HNF4G: variants seen among roughly 807,000 people sequenced by gnomAD.
HNF4G encodes the protein hepatocyte nuclear factor 4 gamma, also known as hepatocyte nuclear factor 4-gamma.
Under a neutral mutation model 50.9 loss-of-function variants are expected in HNF4G, and 21 were observed. The observed-to-expected ratio is 0.41, with a 90% CI of 0.29 to 0.59. The LOEUF is 0.59. HNF4G is among the 20% of genes least tolerant of loss of function. The pLI, the probability that HNF4G is intolerant of heterozygous loss-of-function variation, is 0.26. For missense variants in HNF4G, 527 were observed against 559.4 expected (o/e 0.94, Z 0.58); for synonymous variants, 198 against 185.6 (o/e 1.07, Z -0.54).
chr8:75,546,383 T>C (rs1585943313), intron 2 of HNF4G, among the ~76,000 whole-genome samples: 1 of 152,126 alleles, frequency 6.6e-6, no homozygotes, highest in East Asian at 1.9e-4. Context: ...TATGTGTTTG[T>C]TTGTTTGTTT....
chr8:75,554,366 C>G (rs1292033525), intron 5 of HNF4G, among the ~76,000 whole-genome samples: 1 of 152,068 alleles, frequency 6.6e-6, no homozygotes, highest in African/African-American at 2.4e-5. Flanking sequence ...AATCCAGTAA[C>G]CAGTGAAAAA....
upstream of HNF4G, among the ~76,000 whole-genome samples, chr8:75,538,084 A>C (rs531195327): frequency 1.5e-4 from 23 of 152,052 alleles, no homozygotes; most frequent in Admixed American, 9.2e-4. Flanking sequence ...AAGACTACCC[A>C]CTTGAGGAGA....
At chr8:75,443,448 G>C (rs944327961) in intron 1 of HNF4G, among the ~76,000 whole-genome samples, 1 of 152,128 alleles carries the variant, frequency 6.6e-6, no homozygotes, top group African/African-American at 2.4e-5. Flanking sequence ...AGGATAACAA[G>C]TTATACGTTG....
chr8:75,498,421 A>T (rs941586339), intron 2 of HNF4G, among the ~76,000 whole-genome samples: 2 of 152,106 alleles, frequency 1.3e-5, no homozygotes, highest in African/African-American at 4.8e-5. Context: ...GATCAAAAAC[A>T]TTCCCGCAAA....
intron 1 of HNF4G, among the ~76,000 whole-genome samples, chr8:75,486,412 C>A (rs1213255539): frequency 6.6e-6 from 1 of 152,134 alleles, no homozygotes; most frequent in African/African-American, 2.4e-5. Flanking sequence ...ATTTGGCCAT[C>A]TTTCTTTTTC....
At chr8:75,430,770 T>C (rs1425340975) in intron 1 of HNF4G, among the ~76,000 whole-genome samples, 2 of 152,140 alleles carry the variant, frequency 1.3e-5, no homozygotes. Context: ...AGGTCCCACA[T>C]AACTCTCATA....
intron 2 of HNF4G, among the ~76,000 whole-genome samples, chr8:75,514,605 C>G (rs1805845811): frequency 6.6e-6 from 1 of 151,954 alleles, no homozygotes; most frequent in African/African-American, 2.4e-5. Flanking sequence ...TCTGCTTTGG[C>G]CTCTCAAAGT....
chr8:75,449,111 C>T lies in HNF4G; in HGVS notation c.-144+40949C>T, dbSNP rs567153326. Among the ~76,000 whole-genome samples the T allele has an allele frequency of 1.5e-3, 234 of 152,170 alleles. 1 individual carries two copies. Among genetic ancestry groups the T allele is most frequent in the African/African-American group, 5.0e-3 (207 of 41,522 alleles). ...AAGTTTCTTTCTCATGTAACAACAC[C>T]AAAGTCCCTGGTCTAGGTTGGATGG... On this transcript the variant is annotated intron_variant, in intron 1 of 10. Transcript: ENST00000354370.
intron 2 of HNF4G, among the ~76,000 whole-genome samples, chr8:75,533,934 T>C (rs1040029051): frequency 4.6e-5 from 7 of 151,920 alleles, no homozygotes; most frequent in African/African-American, 1.7e-4. Flanking sequence ...TTATCTGGTT[T>C]CCAGATGCTA....
At chr8:75,416,262 C>T (rs559449223) in intron 1 of HNF4G, among the ~76,000 whole-genome samples, 2 of 152,146 alleles carry the variant, frequency 1.3e-5, no homozygotes, top group East Asian at 3.9e-4. Flanking sequence ...CAGGGCTCTG[C>T]CCTGACTTTT....
chr8:75,551,398 T>C lies in HNF4G; in HGVS notation c.393T>C (p.Asn131=), dbSNP rs1003932408. 1 of 1,606,262 alleles carries C rather than the reference T, an allele frequency of 6.2e-7. No individual in the cohort carries two copies. The highest frequency in any genetic ancestry group is 8.5e-7 in the Non-Finnish European group (1 of 1,173,164). The change falls in exon 4 of 10, where the codon AAT becomes AAC. Residue 131 remains asparagine (N), a synonymous_variant. Coordinates refer to ENST00000396423, the MANE Select transcript of HNF4G (RefSeq NM_004133.5). ...RAGMKKEAVQ[N]ERDRISTRRS... Reference sequence around the variant, plus strand: ...GTTTTTTCCCCCTAGCTGTACAAAATGAACGTGACAGAATAAGCACCAGAA... The same window carrying C: ...GTTTTTTCCCCCTAGCTGTACAAAACGAACGTGACAGAATAAGCACCAGAA...
At chr8:75,539,152 G>A (rs7835143), upstream of HNF4G, among the ~76,000 whole-genome samples, 4 of 152,112 alleles carry the variant, frequency 2.6e-5, no homozygotes, top group African/African-American at 7.2e-5. Flanking sequence ...AGATCTACAC[G>A]TTAGGGATAA....
chr8:75,432,119 T>C (rs1426909068), intron 1 of HNF4G, among the ~76,000 whole-genome samples: 1 of 151,674 alleles, frequency 6.6e-6, no homozygotes, highest in Admixed American at 6.6e-5. Context: ...CCAGGCGTCA[T>C]GATGTGCCTG....
intron 1 of HNF4G, among the ~76,000 whole-genome samples, chr8:75,430,747 G>A (rs1038781521): frequency 6.6e-6 from 1 of 152,086 alleles, no homozygotes; most frequent in Non-Finnish European, 1.5e-5. Flanking sequence ...TGACAAGAAA[G>A]CACTTTAAAT....
intron 1 of HNF4G, among the ~76,000 whole-genome samples, chr8:75,413,352 A>AG (rs1810551538): frequency 9.6e-6 from 1 of 104,652 alleles, no homozygotes; most frequent in African/African-American, 3.7e-5. Flanking sequence ...AGGGGTGGGG[A>AG]GGGGAATAGT....
chr8:75,523,951 T>C (rs554169706), intron 2 of HNF4G, among the ~76,000 whole-genome samples: 9 of 152,062 alleles, frequency 5.9e-5, no homozygotes, highest in African/African-American at 2.2e-4. Flanking sequence ...TTATATGGGG[T>C]ACCTTTTAAT....
intron 2 of HNF4G, among the ~76,000 whole-genome samples, chr8:75,510,439 C>A (rs1000058143): frequency 3.3e-5 from 5 of 152,214 alleles, no homozygotes; most frequent in Admixed American, 2.0e-4. Flanking sequence ...TAAGACTTCA[C>A]ATTCACTCAC....
At chr8:75,421,219 G>T (rs1585827539) in intron 1 of HNF4G, among the ~76,000 whole-genome samples, 2 of 152,112 alleles carry the variant, frequency 1.3e-5, no homozygotes, top group African/African-American at 2.4e-5. Context: ...TTGGAAATCT[G>T]TGCATTTTAC....
At chr8:75,461,472 A>T (rs60967712) in intron 1 of HNF4G, among the ~76,000 whole-genome samples, 2,355 of 152,280 alleles carry the variant, frequency 0.015, 64 homozygotes, top group African/African-American at 0.054. Context: ...CCACTTAGAT[A>T]ATCCAGGACA....
Sources: allele counts gnomAD v4.1 joint callset (sites outside exome capture counted in the v4.1 genomes callset), GRCh38; gene constraint gnomAD v4.1.1; transcripts MANE v1.5; gene names NCBI Gene and HGNC (gene_info 2026-07-23, HGNC 2026-07-21).